PTPRD: variants seen among roughly 807,000 people sequenced by gnomAD.
The protein encoded by PTPRD is protein tyrosine phosphatase receptor type D, also known as receptor-type tyrosine-protein phosphatase delta.
A neutral mutation model predicts 214.5 loss-of-function variants in PTPRD; 34 were observed. That is an observed-to-expected ratio of 0.16 (90% CI 0.12 to 0.21). The LOEUF (loss-of-function observed/expected upper bound fraction) is 0.21. Ranked by LOEUF, PTPRD falls within the 10% of genes least tolerant of loss-of-function variation. The pLI is 1.00. For synonymous variants in PTPRD, 1,128 were observed against 845.7 expected, an observed-to-expected ratio of 1.33 and a Z score of -5.79; for missense variants, 2,545 against 2,398.7, an observed-to-expected ratio of 1.06 and a Z score of -1.27.
chr9:9,664,165 A>C (rs1316359456), intron 7 of PTPRD, among the ~76,000 whole-genome samples: 2 of 150,984 alleles, frequency 1.3e-5, no homozygotes, highest in Non-Finnish European at 3.0e-5. Context: ...AGTCCCTTAC[A>C]CAGCCTGGCT....
intron 2 of PTPRD, among the ~76,000 whole-genome samples, chr9:10,589,462 T>C (rs970756310): frequency 2.0e-5 from 3 of 152,022 alleles, no homozygotes; most frequent in Admixed American, 6.6e-5. Flanking sequence ...AGCTTATAAG[T>C]AAAACTGAAG....
chr9:8,724,132 A>C (rs2098532212), intron 12 of PTPRD, among the ~76,000 whole-genome samples: 1 of 152,214 alleles, frequency 6.6e-6, no homozygotes, highest in African/African-American at 2.4e-5. Flanking sequence ...GTTTAGATAA[A>C]ACTATCTGAA....
chr9:8,573,567 A>AT (rs979798900), intron 14 of PTPRD, among the ~76,000 whole-genome samples: 4 of 151,742 alleles, frequency 2.6e-5, no homozygotes, highest in Non-Finnish European at 5.9e-5. Context: ...GACAGAATTC[A>AT]TTTTTTTCTC....
chr9:10,372,949 C>T (rs2097657844), intron 2 of PTPRD, among the ~76,000 whole-genome samples: 1 of 151,220 alleles, frequency 6.6e-6, no homozygotes, highest in Non-Finnish European at 1.5e-5. Context: ...TCTCCTGCCT[C>T]AACCTCCTGA....
chr9:9,149,743 T>C (rs1185168407), intron 10 of PTPRD, among the ~76,000 whole-genome samples: 1 of 152,224 alleles, frequency 6.6e-6, no homozygotes, highest in Non-Finnish European at 1.5e-5. Context: ...CTTGTCTTTA[T>C]GCCTTGGCCT....
chr9:10,091,027 T>C (rs1050058540), intron 3 of PTPRD, among the ~76,000 whole-genome samples: 1 of 150,972 alleles, frequency 6.6e-6, no homozygotes, highest in African/African-American at 2.4e-5. Context: ...CATTAGTCGC[T>C]GCTGTCATAC....
At chr9:10,564,171 C>CTTTTTT (rs71332760) in intron 2 of PTPRD, among the ~76,000 whole-genome samples, 435 of 29,386 alleles carry the variant, frequency 0.015, 106 homozygotes, top group African/African-American at 0.036. Context: ...CTAGGCTATT[C>CTTTTTT]TTTTTTTTTT....
intron 10 of PTPRD, among the ~76,000 whole-genome samples, chr9:9,025,519 T>C (rs565599149): frequency 6.6e-6 from 1 of 152,010 alleles, no homozygotes; most frequent in Non-Finnish European, 1.5e-5. Flanking sequence ...CCATGGAGCT[T>C]CAAAGATTGT....
chr9:9,331,051 G>C (rs1460379967), intron 9 of PTPRD, among the ~76,000 whole-genome samples: 4 of 152,112 alleles, frequency 2.6e-5, no homozygotes, highest in African/African-American at 7.2e-5. Flanking sequence ...GCTCAGATAA[G>C]AGTCTAAGCA....
At chr9:9,013,050 G>A (rs2099518278) in intron 11 of PTPRD, among the ~76,000 whole-genome samples, 1 of 152,094 alleles carries the variant, frequency 6.6e-6, no homozygotes, top group African/African-American at 2.4e-5. Flanking sequence ...ACGTTAAAGG[G>A]GGGGATGCAG....
At chr9:9,545,318 T>C (rs2078528021) in intron 8 of PTPRD, among the ~76,000 whole-genome samples, 1 of 151,758 alleles carries the variant, frequency 6.6e-6, no homozygotes, top group African/African-American at 2.4e-5. Flanking sequence ...CCTCCCTTTC[T>C]CTAACCCCTG....
chr9:9,551,423 A>G (rs2080203957), intron 8 of PTPRD, among the ~76,000 whole-genome samples: 2 of 152,018 alleles, frequency 1.3e-5, no homozygotes, highest in Admixed American at 1.3e-4. Context: ...AACATTGATT[A>G]TATTTAATTT....
intron 10 of PTPRD, among the ~76,000 whole-genome samples, chr9:9,041,765 TAAATC>T (rs1255420242): frequency 1.3e-5 from 2 of 152,158 alleles, no homozygotes; most frequent in Admixed American, 1.3e-4. Context: ...ATGGAGTACA[TAAATC>T]TTAGAAACGT....
chr9:8,445,343 C>G (rs2095683269), intron 34 of PTPRD, among the ~76,000 whole-genome samples: 1 of 152,154 alleles, frequency 6.6e-6, no homozygotes, highest in African/African-American at 2.4e-5. Flanking sequence ...ACACTGCCAT[C>G]TGAACCACAA....
At chr9:10,163,545 A>G (rs1283616021) in intron 3 of PTPRD, among the ~76,000 whole-genome samples, 1 of 151,538 alleles carries the variant, frequency 6.6e-6, no homozygotes, top group African/African-American at 2.4e-5. Context: ...ATACTAAAAC[A>G]TATTTTAATC....
intron 14 of PTPRD, among the ~76,000 whole-genome samples, chr9:8,619,345 C>T (rs894084857): frequency 1.3e-5 from 2 of 151,674 alleles, no homozygotes; most frequent in Non-Finnish European, 2.9e-5. Context: ...ATCTCCCCAA[C>T]CCCCACCCCT....
intron 9 of PTPRD, among the ~76,000 whole-genome samples, chr9:9,341,834 G>T (rs187130660): frequency 6.6e-6 from 1 of 151,902 alleles, no homozygotes; most frequent in Admixed American, 6.6e-5. Flanking sequence ...CCAAGACAGG[G>T]CCTCACTCTT....
At chr9:9,193,494 T>C (rs1455015869) in intron 9 of PTPRD, among the ~76,000 whole-genome samples, 1 of 152,074 alleles carries the variant, frequency 6.6e-6, no homozygotes, top group East Asian at 1.9e-4. Context: ...CACCACAGAG[T>C]GTACTTACAC....
At chr9:8,721,565 A>G (rs916889741) in intron 12 of PTPRD, among the ~76,000 whole-genome samples, 1 of 152,220 alleles carries the variant, frequency 6.6e-6, no homozygotes, top group Non-Finnish European at 1.5e-5. Flanking sequence ...AACAAAATTA[A>G]TATACCATAA....
Sources: gnomAD v4.1 joint callset for allele counts (sites outside exome capture counted in the v4.1 genomes callset) on GRCh38, gnomAD v4.1.1 for gene constraint, MANE v1.5 for transcripts, NCBI Gene and HGNC (gene_info 2026-07-23, HGNC 2026-07-21) for gene names.